Variants in NHSL1 observed in about 807,000 individuals in gnomAD.
The protein encoded by NHSL1 is NHS like 1.
Under a neutral mutation model 95.0 loss-of-function variants are expected in NHSL1, and 48 were observed. The ratio of observed to expected loss-of-function variants is 0.51; its 90% confidence interval spans 0.40 to 0.64. The LOEUF (loss-of-function observed/expected upper bound fraction) is 0.64, where lower values mean the gene tolerates loss of function less well. NHSL1 is among the 30% of genes least tolerant of loss of function. The pLI is 0.00. For missense variants in NHSL1, 1,971 were observed against 2,077.7 expected (o/e 0.95, Z 1.00); for synonymous variants, 783 against 833.9 (o/e 0.94, Z 1.05).
At chr6:138,564,169 C>T (rs1217393400) in intron 1 of NHSL1, among the ~76,000 whole-genome samples, 1 of 152,146 alleles carries the variant, frequency 6.6e-6, no homozygotes, top group Non-Finnish European at 1.5e-5. Flanking sequence ...AAACAGAACC[C>T]TCTCTTTTAT....
intron 1 of NHSL1, among the ~76,000 whole-genome samples, chr6:138,597,446 C>T (rs534856560): frequency 1.6e-4 from 24 of 152,186 alleles, no homozygotes; most frequent in Non-Finnish European, 3.2e-4. Flanking sequence ...TTAATCATCA[C>T]GGAACTTTAG....
At chr6:138,512,563 A>G (rs1035861141) in intron 1 of NHSL1, 1 of 196,174 alleles carries the variant, frequency 5.1e-6, no homozygotes, top group Non-Finnish European at 1.0e-5. Flanking sequence ...AAAAAAAAAA[A>G]CCCAGCCTCT....
At chr6:138,650,350 G>A in intron 1 of NHSL1, 1 of 1,085,102 alleles carries the variant, frequency 9.2e-7, no homozygotes, top group Non-Finnish European at 1.4e-6. Flanking sequence ...GAGTAACGGG[G>A]GAGCCCAGCC....
intron 1 of NHSL1, among the ~76,000 whole-genome samples, chr6:138,661,050 T>C (rs960785739): frequency 6.6e-6 from 1 of 152,372 alleles, no homozygotes; most frequent in Middle Eastern, 3.4e-3. Context: ...CATACATGAT[T>C]TGATATACAT....
At chr6:138,686,264 G>T (rs1253346600) in intron 1 of NHSL1, among the ~76,000 whole-genome samples, 2 of 152,168 alleles carry the variant, frequency 1.3e-5, no homozygotes, top group Non-Finnish European at 2.9e-5. Context: ...GCTCACACCT[G>T]GAATCCTAGC....
At chr6:138,445,872 T>C (rs1776831107) in intron 4 of NHSL1, among the ~76,000 whole-genome samples, 1 of 152,210 alleles carries the variant, frequency 6.6e-6, no homozygotes, top group Non-Finnish European at 1.5e-5. Flanking sequence ...GACTTGATTA[T>C]CAATGACCAC....
intron 1 of NHSL1, among the ~76,000 whole-genome samples, chr6:138,653,665 G>C (rs1785120436): frequency 6.6e-6 from 1 of 152,104 alleles, no homozygotes; most frequent in African/African-American, 2.4e-5. Context: ...CCTCAGGCAG[G>C]GCAGAAATAA....
intron 1 of NHSL1, among the ~76,000 whole-genome samples, chr6:138,531,311 G>A (rs1466547829): frequency 6.6e-6 from 1 of 152,124 alleles, no homozygotes; most frequent in Non-Finnish European, 1.5e-5. Flanking sequence ...AACTGCCTTT[G>A]GTTGACAATG....
In NHSL1 at chr6:138,571,560, A is replaced by G; in HGVS notation, c.202+150T>C. ...AAGAGCATTTTTATTTTAGACATGTAAACAAATGACGCCGAATTCCAATAC... is the reference window on the plus strand; with the variant it reads ...AAGAGCATTTTTATTTTAGACATGTGAACAAATGACGCCGAATTCCAATAC... On this transcript the variant is annotated intron_variant, in intron 1 of 6. Coordinates refer to the NHSL1 transcript ENST00000427025. 3 of 689,876 alleles carry G rather than the reference A, an allele frequency of 4.3e-6. No homozygotes were observed. In the Admixed American group the frequency reaches 8.7e-5, roughly 20 times the overall value. The allele number at this position is 689,876 out of a possible 1,614,324, so 42.7% of individuals were successfully genotyped here. A position where few individuals can be genotyped will look rare whatever the true frequency, so the allele number is the denominator to read the frequency against.
intron 1 of NHSL1, among the ~76,000 whole-genome samples, chr6:138,679,679 C>T (rs901302222): frequency 3.9e-5 from 6 of 152,144 alleles, no homozygotes; most frequent in Admixed American, 1.3e-4. Context: ...TGTGTGAACA[C>T]GCAGACCCCT....
chr6:138,464,946 C>T (rs537831205), intron 3 of NHSL1, among the ~76,000 whole-genome samples: 1 of 151,224 alleles, frequency 6.6e-6, no homozygotes, highest in South Asian at 2.1e-4. Context: ...CTCCTGGCCT[C>T]AGGTGATCCA....
At chr6:138,572,409 A>C (rs1783873371) in exon 1 of NHSL1, 1 of 153,722 alleles carries the variant, frequency 6.5e-6, no homozygotes, top group South Asian at 2.1e-4. Flanking sequence ...AGTCAGGGTC[A>C]AGCCAGGCAC....
At position 138,590,801 on chromosome 6, in the gene NHSL1, A is replaced by G. The variant is rs1297030541; in HGVS notation, c.97-94430T>C. On this transcript the variant is annotated intron_variant, in intron 1 of 3. Coordinates refer to the NHSL1 transcript ENST00000491526. ...CAGACCACTGACACCTCACCTGTCC[A>G]TCAGTGATAATCAGTTCCTTAAGAA... Among the ~76,000 whole-genome samples, 3 of 152,224 alleles carry G rather than the reference A, an allele frequency of 2.0e-5. No individual in the cohort carries two copies. In the East Asian group the frequency reaches 5.8e-4, roughly 29 times the overall value.
chr6:138,519,410 C>G (rs1472864827), intron 1 of NHSL1, among the ~76,000 whole-genome samples: 1 of 151,980 alleles, frequency 6.6e-6, no homozygotes. Flanking sequence ...CATAAACACC[C>G]AAATATTGTA....
chr6:138,588,932 G>A (rs982664267), intron 1 of NHSL1, among the ~76,000 whole-genome samples: 1 of 152,172 alleles, frequency 6.6e-6, no homozygotes, highest in African/African-American at 2.4e-5. Flanking sequence ...TTGAAATCCC[G>A]CCTTCCATAT....
At chr6:138,483,709 T>C (rs895279997) in intron 2 of NHSL1, among the ~76,000 whole-genome samples, 10 of 152,308 alleles carry the variant, frequency 6.6e-5, no homozygotes, top group African/African-American at 1.9e-4. Context: ...AGTCAGATTA[T>C]GTCACTTCTA....
intron 1 of NHSL1, among the ~76,000 whole-genome samples, chr6:138,521,251 G>A (rs1407015672): frequency 6.6e-6 from 1 of 152,062 alleles, no homozygotes; most frequent in Non-Finnish European, 1.5e-5. Context: ...TGTAATCCCA[G>A]AAGTTCAAGA....
At chr6:138,634,447 A>G (rs970934072) in intron 1 of NHSL1, among the ~76,000 whole-genome samples, 1 of 152,186 alleles carries the variant, frequency 6.6e-6, no homozygotes, top group African/African-American at 2.4e-5. Flanking sequence ...CAAGACAAAA[A>G]CTATAAGAGA....
chr6:138,440,725 AAAAC>A (rs1000954599), intron 5 of NHSL1, among the ~76,000 whole-genome samples: 36 of 152,376 alleles, frequency 2.4e-4, no homozygotes, highest in African/African-American at 8.2e-4. Flanking sequence ...GATGTTTGGG[AAAAC>A]AAACAGAGAA....
Sources: allele counts gnomAD v4.1 joint callset (sites outside exome capture counted in the v4.1 genomes callset), GRCh38; gene constraint gnomAD v4.1.1; transcripts MANE v1.5; gene names NCBI Gene and HGNC (gene_info 2026-07-23, HGNC 2026-07-21).